Variants in SPRY3 observed in about 807,000 individuals in gnomAD.
SPRY3 encodes protein sprouty homolog 3.
Under a neutral mutation model 20.2 loss-of-function variants are expected in SPRY3, and 15 were observed. That is an observed-to-expected ratio of 0.74 (90% CI 0.50 to 1.14). The LOEUF (loss-of-function observed/expected upper bound fraction) is 1.14, where lower values mean the gene tolerates loss of function less well. SPRY3 is among the 50% of genes most tolerant of loss of function. SPRY3 has a pLI of 0.00. For synonymous variants in SPRY3, 143 were observed against 136.5 expected (o/e 1.05, Z -0.33); for missense variants, 364 against 363.9 (o/e 1.00, Z 0.00).
At chrX:155,750,803 C>T (rs1011142060) in intron 2 of SPRY3, among the ~76,000 whole-genome samples, 1 of 151,730 alleles carries the variant, frequency 6.6e-6, no homozygotes, top group African/African-American at 2.4e-5. Flanking sequence ...CTCGAAAAGT[C>T]CACTTGAGGT....
Position 155,708,784 on chromosome X carries a change from A to G in SPRY3, c.-282+51759A>G, listed in dbSNP as rs2090968387. On this transcript the variant is annotated intron_variant, in intron 2 of 3. Coordinates refer to ENST00000675360, the Ensembl canonical transcript of SPRY3. ...CTTTTTAGTTATTTTAAAATGTACA[A>G]TTAGGTTATTATTGACTCTAGTTCC... 2.6e-5 allele frequency among the ~76,000 whole-genome samples: 4 copies of G among 151,556 alleles called. No homozygotes were observed. In the South Asian group the frequency reaches 6.2e-4, roughly 24 times the overall value.
chrX:155,737,206 G>T (rs773521443), intron 2 of SPRY3, among the ~76,000 whole-genome samples: 30 of 152,184 alleles, frequency 2.0e-4, no homozygotes, highest in Non-Finnish European at 3.4e-4. Context: ...TGGCTGTGAT[G>T]CTTACCTTGT....
At chrX:155,659,559 A>G (rs2068003804) in intron 2 of SPRY3, among the ~76,000 whole-genome samples, 1 of 111,228 alleles carries the variant, frequency 9.0e-6, no homozygotes, top group African/African-American at 3.3e-5. Flanking sequence ...GCTTTATAGA[A>G]TGAATTAGGA....
chrX:155,668,997 T>C (rs1452157026), intron 2 of SPRY3, among the ~76,000 whole-genome samples: 5 of 111,249 alleles, frequency 4.5e-5, no homozygotes, highest in African/African-American at 9.8e-5. Flanking sequence ...TCATTCTAAA[T>C]GAATTAGGCA....
intron 2 of SPRY3, among the ~76,000 whole-genome samples, chrX:155,745,508 T>G (rs1449946648): frequency 6.6e-6 from 1 of 152,028 alleles, no homozygotes; most frequent in Non-Finnish European, 1.5e-5. Flanking sequence ...CAGGTAGATG[T>G]TGAGGCTTGG....
chrX:155,746,083 G>A (rs1226749937), intron 2 of SPRY3, among the ~76,000 whole-genome samples: 1 of 152,062 alleles, frequency 6.6e-6, no homozygotes, highest in East Asian at 1.9e-4. Context: ...AGCAGCAGCA[G>A]TGCTATCATT....
At chrX:155,676,029 C>T (rs1557355204) in intron 2 of SPRY3, among the ~76,000 whole-genome samples, 1 of 110,907 alleles carries the variant, frequency 9.0e-6, no homozygotes, top group East Asian at 2.8e-4. Context: ...AGTTTTACAT[C>T]GAAGTCATAT....
chrX:155,724,106 T>A (rs1427857373), intron 2 of SPRY3, among the ~76,000 whole-genome samples: 6 of 152,002 alleles, frequency 3.9e-5, no homozygotes, highest in Non-Finnish European at 7.4e-5. Flanking sequence ...GATGTGTGGT[T>A]TTATTTCTGA....
rs1333151034 is a variant in SPRY3, at chrX:155,638,033, G to A, written c.-440-18834G>A. Reference sequence around the variant, plus strand: ...TGGGTGTGTAAGGTAACCCCATTGGGTTTTAATTTAAAATTTCCAGAATAT... The same window carrying A: ...TGGGTGTGTAAGGTAACCCCATTGGATTTTAATTTAAAATTTCCAGAATAT... On this transcript the variant is annotated intron_variant, in intron 1 of 3. Coordinates refer to ENST00000675360, the Ensembl canonical transcript of SPRY3. Among the ~76,000 whole-genome samples, 3 of 105,442 alleles carry A rather than the reference G, an allele frequency of 2.8e-5. No homozygotes were observed. The East Asian group carries it at 9.0e-4, about 31-fold the overall frequency. The allele number at this position is 105,442 out of a possible 115,157, so 91.6% of individuals were successfully genotyped here.
At chrX:155,668,253 T>C (rs2068030439) in intron 2 of SPRY3, among the ~76,000 whole-genome samples, 1 of 111,415 alleles carries the variant, frequency 9.0e-6, no homozygotes, top group Non-Finnish European at 1.9e-5. Flanking sequence ...TACTGACATG[T>C]ACAATAATAT....
At chrX:155,773,328 A>T (rs1321792533) in intron 3 of SPRY3, among the ~76,000 whole-genome samples, 2 of 146,046 alleles carry the variant, frequency 1.4e-5, no homozygotes, top group Middle Eastern at 3.6e-3. Flanking sequence ...ATATATATAT[A>T]TATATATATA....
At chrX:155,617,054 T>C (rs781981806) in intron 1 of SPRY3, among the ~76,000 whole-genome samples, 1 of 106,483 alleles carries the variant, frequency 9.4e-6, no homozygotes, top group Non-Finnish European at 1.9e-5. Context: ...TGCATGCTGG[T>C]TCCCTTGTGC....
intron 2 of SPRY3, among the ~76,000 whole-genome samples, chrX:155,731,650 G>A: frequency 6.6e-6 from 1 of 152,092 alleles, no homozygotes; most frequent in East Asian, 1.9e-4. Context: ...AGCAAAAGTG[G>A]ACAAATGGGA....
chrX:155,741,763 A>T (rs306900), intron 2 of SPRY3, among the ~76,000 whole-genome samples: 3 of 151,900 alleles, frequency 2.0e-5, no homozygotes, highest in Non-Finnish European at 2.9e-5. Flanking sequence ...TAAGCAAAAG[A>T]GAAATAAGAT....
intron 2 of SPRY3, among the ~76,000 whole-genome samples, chrX:155,723,116 CCT>C (rs1427149034): frequency 4.6e-5 from 7 of 152,144 alleles, no homozygotes; most frequent in African/African-American, 9.7e-5. Context: ...ATGAACTCAT[CCT>C]TTTTTATGGC....
At chrX:155,644,876 TACTTTTCTCTCC>T (rs2067952845) in intron 1 of SPRY3, among the ~76,000 whole-genome samples, 2 of 111,268 alleles carry the variant, frequency 1.8e-5, no homozygotes, top group African/African-American at 6.5e-5. Context: ...AAGTCCCCTT[TACTTTTCTCTCC>T]ACTTTTCTCA....
intron 2 of SPRY3, among the ~76,000 whole-genome samples, chrX:155,740,831 C>G (rs751544144): frequency 1.9e-4 from 29 of 152,124 alleles, no homozygotes; most frequent in African/African-American, 6.5e-4. Flanking sequence ...GTTCATACAC[C>G]CCCTCCCCTT....
At chrX:155,718,578 G>A (rs184537992) in intron 2 of SPRY3, among the ~76,000 whole-genome samples, 13 of 151,936 alleles carry the variant, frequency 8.6e-5, no homozygotes, top group African/African-American at 2.9e-4. Context: ...ACAATTAACC[G>A]GGCATTTCGA....
chrX:155,614,424 CTGTT>C (rs782582521), intron 1 of SPRY3, among the ~76,000 whole-genome samples: 1 of 111,974 alleles, frequency 8.9e-6, no homozygotes, highest in Admixed American at 9.4e-5. Flanking sequence ...TAGACAATAC[CTGTT>C]TGTTTGAGTC....
Sources: allele counts gnomAD v4.1 joint callset (sites outside exome capture counted in the v4.1 genomes callset), GRCh38; gene constraint gnomAD v4.1.1; transcripts MANE v1.5; gene names NCBI Gene and HGNC (gene_info 2026-07-23, HGNC 2026-07-21).